Variants in GRM7 observed in about 807,000 individuals in gnomAD.
GRM7 encodes the protein metabotropic glutamate receptor 7.
A neutral mutation model predicts 84.5 loss-of-function variants in GRM7; 35 were observed. The observed-to-expected ratio is 0.41, with a 90% confidence interval of 0.32 to 0.55. GRM7 has a LOEUF of 0.55. Ranked by LOEUF, GRM7 falls within the 20% of genes least tolerant of loss-of-function variation. The pLI is 0.19. For synonymous variants in GRM7, 487 were observed against 455.1 expected, an observed-to-expected ratio of 1.07 and a Z score of -0.89; for missense variants, 1,003 against 1,194.6, an observed-to-expected ratio of 0.84 and a Z score of 2.36.
chr3:7,082,612 G>A (rs560056747), intron 1 of GRM7, among the ~76,000 whole-genome samples: 1 of 152,186 alleles, frequency 6.6e-6, no homozygotes, highest in South Asian at 2.1e-4. Flanking sequence ...AGCTATAGCT[G>A]CCATAGATAG....
At chr3:6,911,144 T>G (rs1053079520) in intron 1 of GRM7, among the ~76,000 whole-genome samples, 7 of 152,192 alleles carry the variant, frequency 4.6e-5, no homozygotes, top group Non-Finnish European at 1.0e-4. Context: ...TTTATTTCTC[T>G]GCTTATGAGA....
intron 8 of GRM7, chr3:7,591,517 T>C (rs1394973071): frequency 2.3e-6 from 1 of 434,392 alleles, no homozygotes; most frequent in Non-Finnish European, 4.5e-6. Context: ...CACCCAGTAG[T>C]TCCATTTCTA....
intron 1 of GRM7, among the ~76,000 whole-genome samples, chr3:7,022,066 A>C (rs1007949720): frequency 6.6e-6 from 1 of 152,138 alleles, no homozygotes; most frequent in African/African-American, 2.4e-5. Context: ...AGGGGTTCAC[A>C]CCTATAATCC....
rs183901140 is a variant in GRM7 at position 6,913,104 on chromosome 3, T to C, written c.519+51197T>C. On this transcript the variant is annotated intron_variant, in intron 1 of 9. Coordinates refer to ENST00000357716, the MANE Select transcript of GRM7 (RefSeq NM_000844.4). Reference sequence around the variant, plus strand: ...TTTTCCTAAGCCCTCTCCTAATCATTTGATACTCAAAGAAATATATCTTGT... The same window carrying C: ...TTTTCCTAAGCCCTCTCCTAATCATCTGATACTCAAAGAAATATATCTTGT... 7.7e-4 allele frequency among the ~76,000 whole-genome samples: 117 copies of C among 152,306 alleles called. 2 individuals are homozygous for C. Among genetic ancestry groups the C allele is most frequent in the Middle Eastern group, 3.4e-3 (1 of 294 alleles).
intron 1 of GRM7, among the ~76,000 whole-genome samples, chr3:7,012,014 T>C (rs1192522804): frequency 6.6e-6 from 1 of 150,742 alleles, no homozygotes; most frequent in Non-Finnish European, 1.5e-5. Flanking sequence ...CAGAAACAGG[T>C]TAAACTGCTG....
intron 1 of GRM7, among the ~76,000 whole-genome samples, chr3:7,053,828 G>T (rs994245569): frequency 3.3e-5 from 5 of 150,926 alleles, no homozygotes; most frequent in Admixed American, 3.3e-4. Flanking sequence ...TTTCAAAATT[G>T]TTATGGTTAT....
intron 2 of GRM7, among the ~76,000 whole-genome samples, chr3:7,292,705 A>G (rs1699673567): frequency 6.6e-6 from 1 of 150,398 alleles, no homozygotes; most frequent in African/African-American, 2.4e-5. Flanking sequence ...TACTGCTTAC[A>G]TATATTATTT....
Position 7,236,352 on chromosome 3 carries a change from C to T in GRM7, c.737-62332C>T, listed in dbSNP as rs77693231. On this transcript the variant is annotated intron_variant, in intron 2 of 9. Transcript: ENST00000357716. ...TCTTACTTTATGTTTACCACAAACCCGAAAAAGATGTTACTATTTTCTCCT... is the reference window on the plus strand; with the variant it reads ...TCTTACTTTATGTTTACCACAAACCTGAAAAAGATGTTACTATTTTCTCCT... Among the ~76,000 whole-genome samples the T allele has an allele frequency of 4.4e-3, 664 of 152,148 alleles. 4 individuals carry two copies. Among genetic ancestry groups the T allele is most frequent in the African/African-American group, 0.015 (618 of 41,516 alleles).
chr3:7,680,332 G>T, intron 9 of GRM7, 37 bp downstream of exon 9: 1 of 1,605,744 alleles, frequency 6.2e-7, no homozygotes. Context: ...TTCCCACCCT[G>T]CATCAGGAAG....
intron 1 of GRM7, among the ~76,000 whole-genome samples, chr3:7,056,961 C>T (rs1197425855): frequency 1.3e-5 from 2 of 151,860 alleles, no homozygotes; most frequent in African/African-American, 4.8e-5. Context: ...TTCTTATCTG[C>T]TTTAATTTTC....
chr3:7,670,423 G>T (rs868472563), intron 8 of GRM7, among the ~76,000 whole-genome samples: 2 of 152,154 alleles, frequency 1.3e-5, no homozygotes, highest in African/African-American at 2.4e-5. Context: ...AGCCATTGTC[G>T]ATGGCTTTGA....
rs539230215 is a variant in GRM7 at position 7,557,951 on chromosome 3, T to C, written c.1516-20471T>C. Among the ~76,000 whole-genome samples the C allele has an allele frequency of 3.4e-4, 52 of 152,212 alleles. No individual in the cohort carries two copies. The South Asian group carries it at 1.0e-2, about 29-fold the overall frequency. On this transcript the variant is annotated intron_variant, in intron 7 of 9. Transcript: ENST00000357716. Reference sequence around the variant, plus strand: ...AATGCCTTGGAGCTCTTTTATTTCCTCCTGTCTCTCCTCAAGAGAGAGTGG... The same window carrying C: ...AATGCCTTGGAGCTCTTTTATTTCCCCCTGTCTCTCCTCAAGAGAGAGTGG...
intron 2 of GRM7, among the ~76,000 whole-genome samples, chr3:7,201,064 G>A (rs952895827): frequency 2.7e-5 from 4 of 146,448 alleles, no homozygotes; most frequent in African/African-American, 1.0e-4. Context: ...CTGCCTCCTG[G>A]GTTCATGCCA....
chr3:7,280,074 T>A (rs2124993883), intron 2 of GRM7, among the ~76,000 whole-genome samples: 1 of 152,336 alleles, frequency 6.6e-6, no homozygotes, highest in South Asian at 2.1e-4. Context: ...ATATTTGCTT[T>A]GTTAAAATTA....
intron 1 of GRM7, among the ~76,000 whole-genome samples, chr3:6,976,059 C>T (rs370595606): frequency 3.9e-5 from 6 of 152,104 alleles, no homozygotes; most frequent in Admixed American, 3.9e-4. Context: ...AGAACTGGCA[C>T]GGTTGGCCTG....
chr3:7,392,302 C>T (rs575040872), intron 4 of GRM7, among the ~76,000 whole-genome samples: 10 of 152,240 alleles, frequency 6.6e-5, no homozygotes, highest in Non-Finnish European at 1.5e-4. Context: ...GCTTCAGCAA[C>T]TCTCCTCCCA....
chr3:7,155,158 C>T (rs1164816640), intron 2 of GRM7, among the ~76,000 whole-genome samples: 3 of 152,214 alleles, frequency 2.0e-5, no homozygotes, highest in East Asian at 1.9e-4. Context: ...GCTCAAATTT[C>T]GGTATCTCAT....
At chr3:7,322,115 G>A (rs750634909) in intron 4 of GRM7, among the ~76,000 whole-genome samples, 15 of 152,032 alleles carry the variant, frequency 9.9e-5, no homozygotes, top group Non-Finnish European at 2.1e-4. Context: ...CATGAATAGA[G>A]TTGTTGGATA....
At chr3:7,551,145 T>C (rs1374519293) in intron 7 of GRM7, among the ~76,000 whole-genome samples, 1 of 152,218 alleles carries the variant, frequency 6.6e-6, no homozygotes. Context: ...TTTCCAAGAA[T>C]ATTTATATAG....
Sources: allele counts gnomAD v4.1 joint callset (sites outside exome capture counted in the v4.1 genomes callset), GRCh38; gene constraint gnomAD v4.1.1; transcripts MANE v1.5; gene names NCBI Gene and HGNC (gene_info 2026-07-23, HGNC 2026-07-21).